ORC4: variants seen among roughly 807,000 people sequenced by gnomAD.
ORC4 encodes the protein origin recognition complex subunit 4, also known as origin recognition complex, subunit 4 homolog.
Under a neutral mutation model 63.9 loss-of-function variants are expected in ORC4, and 55 were observed. The observed-to-expected ratio is 0.86, with a 90% CI of 0.69 to 1.08. The LOEUF is 1.08. Ranked by LOEUF, ORC4 falls within the 50% of genes least tolerant of loss-of-function variation. The probability of loss-of-function intolerance (pLI) is 0.00; values close to 1 mark genes in which losing one functional copy is unlikely to be tolerated. For synonymous variants in ORC4, 150 were observed against 168.5 expected, an observed-to-expected ratio of 0.89 and a Z score of 0.85; for missense variants, 511 against 504.4, an observed-to-expected ratio of 1.01 and a Z score of -0.13.
In ORC4 at chr2:147,980,940, T is replaced by C. The variant is rs143622639; in HGVS notation, c.-17-4965A>G. Among the ~76,000 whole-genome samples, 3 of 152,284 alleles carry C rather than the reference T, an allele frequency of 2.0e-5. No individual in the cohort carries two copies. The East Asian group carries it at 5.8e-4, about 29-fold the overall frequency. ...CACTCCCATATACACTCCAGCATTA[T>C]TCACAGCCAAAATACGGAATCAACC... On this transcript the variant is annotated intron_variant, in intron 1 of 13. Coordinates refer to ENST00000392857, the MANE Select transcript of ORC4 (RefSeq NM_181741.4).
chr2:147,972,974 C>G (rs1690309034), intron 3 of ORC4, 145 bp from the exon 4 acceptor site: 1 of 604,056 alleles, frequency 1.7e-6, no homozygotes, highest in Non-Finnish European at 3.0e-6. Context: ...TCTGAATGGT[C>G]CTAAATAGAA....
At chr2:147,935,744 G>T in intron 13 of ORC4, 46 bp from the exon 14 acceptor site, 1 of 1,460,562 alleles carries the variant, frequency 6.8e-7, no homozygotes, top group Non-Finnish European at 9.6e-7. Flanking sequence ...AGAGGAGAGT[G>T]ACAACTCTCC....
intron 1 of ORC4, among the ~76,000 whole-genome samples, chr2:147,996,910 C>A (rs1040449847): frequency 5.3e-5 from 8 of 152,162 alleles, no homozygotes; most frequent in Non-Finnish European, 1.2e-4. Flanking sequence ...CCTGGTTACA[C>A]CCAAATGAGT....
chr2:147,996,113 G>T (rs929836857), intron 1 of ORC4, among the ~76,000 whole-genome samples: 4 of 152,114 alleles, frequency 2.6e-5, no homozygotes, highest in Non-Finnish European at 5.9e-5. Context: ...AGACCATCCT[G>T]GCCAATGTGG....
intron 1 of ORC4, among the ~76,000 whole-genome samples, chr2:148,001,228 T>C (rs1430112166): frequency 1.3e-5 from 2 of 152,100 alleles, no homozygotes; most frequent in Non-Finnish European, 2.9e-5. Flanking sequence ...TCATAAGCTA[T>C]GGAGAAGCAG....
chr2:147,966,502 T>C (rs910003935), intron 4 of ORC4, among the ~76,000 whole-genome samples: 1 of 150,828 alleles, frequency 6.6e-6, no homozygotes, highest in Non-Finnish European at 1.5e-5. Context: ...AATAAATAAA[T>C]GAGAAAAGAA....
chr2:148,003,618 A>G (rs1056782483), intron 1 of ORC4, among the ~76,000 whole-genome samples: 1 of 152,210 alleles, frequency 6.6e-6, no homozygotes, highest in Non-Finnish European at 1.5e-5. Flanking sequence ...TCTCAAAATA[A>G]TAAGAGCTAT....
chr2:147,992,201 A>G (rs1472361677), intron 1 of ORC4, among the ~76,000 whole-genome samples: 1 of 152,212 alleles, frequency 6.6e-6, no homozygotes, highest in Non-Finnish European at 1.5e-5. Flanking sequence ...ATCCAAGCTA[A>G]TGTGTTTAAT....
chr2:147,998,333 C>T (rs747165911), intron 1 of ORC4, among the ~76,000 whole-genome samples: 3 of 152,112 alleles, frequency 2.0e-5, no homozygotes, highest in Non-Finnish European at 4.4e-5. Context: ...TGAACCCCAG[C>T]GTGGCAATAT....
intron 4 of ORC4, among the ~76,000 whole-genome samples, chr2:147,959,112 T>G (rs573204279): frequency 3.3e-5 from 5 of 152,144 alleles, no homozygotes; most frequent in African/African-American, 1.2e-4. Context: ...AATACAAATT[T>G]AGAAACAACC....
At chr2:147,972,532 T>G (rs17225388) in intron 4 of ORC4, among the ~76,000 whole-genome samples, 518 of 152,212 alleles carry the variant, frequency 3.4e-3, no homozygotes, top group East Asian at 8.3e-3. Context: ...AAAGGTCTGC[T>G]ACACTCAAAT....
chr2:148,003,266 T>C (rs913246742), intron 1 of ORC4, among the ~76,000 whole-genome samples: 1 of 151,920 alleles, frequency 6.6e-6, no homozygotes, highest in African/African-American at 2.4e-5. Context: ...ATTTTATGAG[T>C]CCAGCATCAT....
Position 147,931,963 on chromosome 2 carries a change from T to C in ORC4, c.*3547A>G, listed in dbSNP as rs1458925464. On this transcript the variant is annotated 3_prime_UTR_variant, in exon 14 of 14. Coordinates refer to ENST00000392857, the MANE Select transcript of ORC4 (RefSeq NM_181741.4). The stretch of plus-strand genomic sequence containing the variant: ...TGTTGGAAGTTCTGGCCAGGGCAAT[T>C]AGGCAGGAGAAGGAAATAAAGGGTA... 5.3e-5 allele frequency: 8 copies of C among 151,922 alleles called. No individual in the cohort carries two copies. The highest frequency in any genetic ancestry group is 3.9e-4 in the Admixed American group (6 of 15,230). The allele number at this position is 151,922 out of a possible 1,614,324, so 9.4% of individuals were successfully genotyped here. A position where few individuals can be genotyped will look rare whatever the true frequency, so the allele number is the denominator to read the frequency against.
intron 7 of ORC4, among the ~76,000 whole-genome samples, chr2:147,954,311 C>T (rs575797310): frequency 5.3e-4 from 80 of 152,218 alleles, no homozygotes; most frequent in Non-Finnish European, 7.9e-4. Flanking sequence ...GACAGAGATA[C>T]GTTCTGAGAA....
At chr2:148,017,739 T>C (rs1173459766) in intron 1 of ORC4, among the ~76,000 whole-genome samples, 1 of 152,356 alleles carries the variant, frequency 6.6e-6, no homozygotes, top group East Asian at 1.9e-4. Context: ...GAAAGGTTTA[T>C]GTATCCGAGT....
intron 8 of ORC4, chr2:147,951,543 T>C (rs756264267): frequency 3.3e-5 from 5 of 152,218 alleles, no homozygotes; most frequent in Non-Finnish European, 5.9e-5. Flanking sequence ...TTTTTGCACA[T>C]TTCGGTTCCC....
intron 1 of ORC4, among the ~76,000 whole-genome samples, chr2:148,012,576 A>C (rs918981125): frequency 2.0e-5 from 3 of 152,168 alleles, no homozygotes; most frequent in Non-Finnish European, 4.4e-5. Context: ...TAAAGCAAGA[A>C]AATAAAATAA....
At chr2:148,021,228 G>C (rs1197314766), upstream of ORC4, 2 of 261,434 alleles carry the variant, frequency 7.7e-6, no homozygotes, top group Non-Finnish European at 1.6e-5. Context: ...TCAGGGGGGT[G>C]GGGGGAAGGC....
intron 7 of ORC4, among the ~76,000 whole-genome samples, chr2:147,954,475 G>C (rs1689136718): frequency 1.3e-5 from 2 of 152,136 alleles, no homozygotes. Context: ...GTAGACAACT[G>C]TAACACAATG....
Sources: gnomAD v4.1 joint callset for allele counts (sites outside exome capture counted in the v4.1 genomes callset) on GRCh38, gnomAD v4.1.1 for gene constraint, MANE v1.5 for transcripts, NCBI Gene and HGNC (gene_info 2026-07-23, HGNC 2026-07-21) for gene names.